The following LSAMP variants were observed in gnomAD, a reference collection of about 807,000 sequenced individuals.
LSAMP encodes the protein limbic system-associated membrane protein.
Under a neutral mutation model 38.6 loss-of-function variants are expected in LSAMP, and 7 were observed. The ratio of observed to expected loss-of-function variants is 0.18; its 90% CI spans 0.10 to 0.34. The LOEUF is 0.34. Among genes scored for constraint, LSAMP ranks in the 10% least tolerant of loss-of-function variants. The pLI is 1.00. For missense variants in LSAMP, 313 were observed against 420.0 expected (o/e 0.75, Z 2.23); for synonymous variants, 154 against 166.8 (o/e 0.92, Z 0.59).
At chr3:116,213,157 C>A (rs2046181741) in intron 1 of LSAMP, among the ~76,000 whole-genome samples, 1 of 151,766 alleles carries the variant, frequency 6.6e-6, no homozygotes, top group African/African-American at 2.4e-5. Flanking sequence ...GTGAAAATAC[C>A]CTACTGTTTT....
chr3:116,393,405 C>G (rs951568466), intron 1 of LSAMP, among the ~76,000 whole-genome samples: 1 of 152,196 alleles, frequency 6.6e-6, no homozygotes, highest in Non-Finnish European at 1.5e-5. Flanking sequence ...CGTTATGGCA[C>G]CTGGAGCTGC....
At chr3:116,022,897 C>T (rs970291401) in intron 2 of LSAMP, among the ~76,000 whole-genome samples, 7 of 152,124 alleles carry the variant, frequency 4.6e-5, no homozygotes, top group African/African-American at 1.7e-4. Flanking sequence ...AAGTCATTAC[C>T]TTCATTCCCA....
At chr3:115,816,304 G>A (rs1488626314) in intron 6 of LSAMP, among the ~76,000 whole-genome samples, 1 of 152,166 alleles carries the variant, frequency 6.6e-6, no homozygotes, top group East Asian at 1.9e-4. Context: ...CAAAATTGCA[G>A]CTCTGTCAGA....
chr3:116,346,887 T>C (rs2048070227), intron 1 of LSAMP, among the ~76,000 whole-genome samples: 1 of 152,198 alleles, frequency 6.6e-6, no homozygotes, highest in Non-Finnish European at 1.5e-5. Context: ...TGAATCCATA[T>C]GTTTATTTAT....
intron 3 of LSAMP, among the ~76,000 whole-genome samples, chr3:115,989,192 C>T (rs558878642): frequency 6.6e-6 from 1 of 152,136 alleles, no homozygotes; most frequent in African/African-American, 2.4e-5. Context: ...TAGCTTACGT[C>T]CTGTGTACCA....
intron 3 of LSAMP, among the ~76,000 whole-genome samples, chr3:115,926,052 GA>G (rs140276193): frequency 9.0e-4 from 135 of 150,306 alleles, no homozygotes; most frequent in African/African-American, 3.0e-3. Flanking sequence ...GCATTAAAAA[GA>G]AAAAAAAACA....
At chr3:115,945,434 G>A (rs1212239339) in intron 3 of LSAMP, among the ~76,000 whole-genome samples, 1 of 152,066 alleles carries the variant, frequency 6.6e-6, no homozygotes, top group African/African-American at 2.4e-5. Flanking sequence ...TGTGATACGA[G>A]TTTCTGGGCT....
At chr3:116,044,745 T>C (rs1941252174) in intron 2 of LSAMP, among the ~76,000 whole-genome samples, 1 of 152,196 alleles carries the variant, frequency 6.6e-6, no homozygotes, top group Non-Finnish European at 1.5e-5. Context: ...CAGCCCCAGC[T>C]GGCCAGACCT....
At chr3:116,080,684 TAAC>T (rs1214471740) in intron 2 of LSAMP, among the ~76,000 whole-genome samples, 1 of 152,238 alleles carries the variant, frequency 6.6e-6, no homozygotes, top group Non-Finnish European at 1.5e-5. Flanking sequence ...CCTGACCTAT[TAAC>T]AGCCAATCAA....
chr3:116,410,927 C>T (rs2048966389), intron 1 of LSAMP, among the ~76,000 whole-genome samples: 1 of 152,092 alleles, frequency 6.6e-6, no homozygotes, highest in South Asian at 2.1e-4. Flanking sequence ...TCTATTTCTC[C>T]AGGCCATAGG....
chr3:116,113,326 A>G (rs911974216), intron 1 of LSAMP, among the ~76,000 whole-genome samples: 4 of 150,784 alleles, frequency 2.7e-5, no homozygotes, highest in Admixed American at 2.6e-4. Context: ...CATCCTCTGT[A>G]AAACAACAAA....
rs997581787 is a variant in LSAMP at position 115,802,797 on chromosome 3, G to C, written c.*7520C>G. On this transcript the variant is annotated 3_prime_UTR_variant, in exon 7 of 7. Coordinates refer to ENST00000490035, the MANE Select transcript of LSAMP (RefSeq NM_002338.5). ...AGCAGGATTTATACACCCTTCAGTA[G>C]AGCAGTGATAAGGAAGGTGGGGAGC... 1 of 152,108 alleles carries C rather than the reference G, an allele frequency of 6.6e-6. No individual in the cohort carries two copies. The highest frequency in any genetic ancestry group is 2.4e-5 in the African/African-American group (1 of 41,424). 9.4% of individuals were successfully genotyped at this position (152,108 alleles called of 1,614,324 possible). A position where few individuals can be genotyped will look rare whatever the true frequency, so the allele number is the denominator to read the frequency against.
intron 1 of LSAMP, among the ~76,000 whole-genome samples, chr3:116,439,984 G>A (rs1225134861): frequency 6.6e-6 from 1 of 152,206 alleles, no homozygotes; most frequent in Non-Finnish European, 1.5e-5. Flanking sequence ...GCCTCCCAAA[G>A]TGCTGGGATT....
Position 116,339,282 on chromosome 3 carries a change from A to ATT in LSAMP, c.155+105593_155+105594dup, listed in dbSNP as rs35664180. Among the ~76,000 whole-genome samples the ATT allele has an allele frequency of 3.1e-3, 451 of 144,648 alleles. 2 individuals are homozygous for ATT. Among genetic ancestry groups the ATT allele is most frequent in the African/African-American group, 9.0e-3 (358 of 39,626 alleles). 94.9% of individuals were successfully genotyped at this position (144,648 alleles called of 152,430 possible). A position where few individuals can be genotyped will look rare whatever the true frequency, so the allele number is the denominator to read the frequency against. ...ATATTCCTGTACTCCCCTTATATAG[A>ATT]TTTTTTTTTTTTTTGAGAAAATTTG... On this transcript the variant is annotated intron_variant, in intron 1 of 6. Coordinates refer to ENST00000490035, the MANE Select transcript of LSAMP (RefSeq NM_002338.5).
chr3:116,189,710 C>T (rs1381067), intron 1 of LSAMP, among the ~76,000 whole-genome samples: 75,838 of 151,824 alleles, frequency 0.5, 21,435 homozygotes, highest in East Asian at 0.74. Flanking sequence ...AGTCATGATC[C>T]CCCTTTTTAA....
At chr3:115,858,011 T>G (rs1213256346) in intron 3 of LSAMP, among the ~76,000 whole-genome samples, 3 of 152,174 alleles carry the variant, frequency 2.0e-5, no homozygotes, top group African/African-American at 7.2e-5. Flanking sequence ...TTGACTGATT[T>G]AGATTTATAA....
chr3:115,907,842 T>G (rs1347550517), intron 3 of LSAMP, among the ~76,000 whole-genome samples: 1 of 152,188 alleles, frequency 6.6e-6, no homozygotes, highest in Non-Finnish European at 1.5e-5. Context: ...CAGCTATTGC[T>G]GAGTAAAATG....
At chr3:116,289,082 A>ATGT (rs2047228781) in intron 1 of LSAMP, among the ~76,000 whole-genome samples, 1 of 152,180 alleles carries the variant, frequency 6.6e-6, no homozygotes. Flanking sequence ...TTTATTTATC[A>ATGT]TGTTTTATAA....
chr3:115,860,014 C>T (rs1042665146), intron 3 of LSAMP, among the ~76,000 whole-genome samples: 2 of 152,214 alleles, frequency 1.3e-5, no homozygotes, highest in Non-Finnish European at 2.9e-5. Context: ...GCTATGGTTA[C>T]ATTGTAAGGC....
Sources: gnomAD v4.1 joint callset for allele counts (sites outside exome capture counted in the v4.1 genomes callset) on GRCh38, gnomAD v4.1.1 for gene constraint, MANE v1.5 for transcripts, NCBI Gene and HGNC (gene_info 2026-07-23, HGNC 2026-07-21) for gene names.